The following WDR7 variants were observed in gnomAD, a reference collection of about 807,000 sequenced individuals.
The protein encoded by WDR7 is WD repeat-containing protein 7.
A neutral mutation model predicts 169.4 loss-of-function variants in WDR7; 46 were observed. That is an observed-to-expected ratio of 0.27 (90% CI 0.21 to 0.35). WDR7 has a LOEUF of 0.35. Among genes scored for constraint, WDR7 ranks in the 10% least tolerant of loss-of-function variants. The pLI is 1.00. For synonymous variants in WDR7, 612 were observed against 666.8 expected, an observed-to-expected ratio of 0.92 and a Z score of 1.27; for missense variants, 1,534 against 1,859.3, an observed-to-expected ratio of 0.83 and a Z score of 3.22.
intron 14 of WDR7, among the ~76,000 whole-genome samples, chr18:56,748,122 A>G (rs9947297): frequency 0.4 from 61,345 of 152,022 alleles, 12,874 homozygotes; most frequent in East Asian, 0.64. Context: ...CATTCATTTG[A>G]GATGAAATGA....
intron 27 of WDR7, among the ~76,000 whole-genome samples, chr18:57,025,024 G>T (rs1445356115): frequency 6.6e-6 from 1 of 152,196 alleles, no homozygotes; most frequent in African/African-American, 2.4e-5. Flanking sequence ...GAACCCAGTT[G>T]TAATGGCCTT....
chr18:56,717,975 G>C lies in WDR7; in HGVS notation c.1590G>C (p.Gln530His). ...ATTCTTCTTTTCAGGCAAGAGTACA[G>C]CACTGCATCTGCTCTGTAGCCAGTG... is the stretch of plus-strand genomic sequence containing the variant. ...VPPENCSARV[Q>H]HCICSVASDH... Residue 530 changes from glutamine to histidine, a missense_variant, in exon 13 of 28, where the codon CAG (glutamine) becomes CAC (histidine). Transcript: ENST00000254442. The C allele has an allele frequency of 6.2e-7, 1 of 1,612,766 alleles. No homozygotes were observed.
intron 21 of WDR7, among the ~76,000 whole-genome samples, chr18:56,897,860 T>C (rs1290012543): frequency 6.6e-6 from 1 of 152,042 alleles, no homozygotes; most frequent in Admixed American, 6.6e-5. Flanking sequence ...TTAGTATGCA[T>C]GCATACAGAT....
chr18:56,656,583 A>AT (rs10648827), intron 1 of WDR7, among the ~76,000 whole-genome samples: 103,945 of 146,158 alleles, frequency 0.71, 40,760 homozygotes, highest in East Asian at 0.95. Context: ...CCCGGCCACT[A>AT]TTTTTTTTTT....
At chr18:56,773,639 G>A (rs1453390058) in intron 16 of WDR7, among the ~76,000 whole-genome samples, 1 of 151,906 alleles carries the variant, frequency 6.6e-6, no homozygotes, top group Non-Finnish European at 1.5e-5. Flanking sequence ...AAAAAGTCAA[G>A]CATTAAAAAA....
intron 21 of WDR7, among the ~76,000 whole-genome samples, chr18:56,895,754 A>G (rs1485790521): frequency 6.6e-6 from 1 of 151,872 alleles, no homozygotes; most frequent in African/African-American, 2.4e-5. Flanking sequence ...GAATTACAGA[A>G]TATACTACCG....
intron 20 of WDR7, among the ~76,000 whole-genome samples, chr18:56,858,068 G>A (rs932870742): frequency 2.6e-5 from 4 of 152,022 alleles, no homozygotes; most frequent in African/African-American, 9.7e-5. Flanking sequence ...TCATCTCTCT[G>A]CTGAGCTCCA....
At chr18:56,970,059 T>A (rs1024149783) in intron 26 of WDR7, among the ~76,000 whole-genome samples, 1 of 152,200 alleles carries the variant, frequency 6.6e-6, no homozygotes, top group Admixed American at 6.5e-5. Context: ...TAGCATTGTG[T>A]TATAAATATA....
intron 7 of WDR7, among the ~76,000 whole-genome samples, chr18:56,690,887 T>C (rs2025552616): frequency 1.3e-5 from 2 of 152,132 alleles, no homozygotes; most frequent in African/African-American, 4.8e-5. Context: ...TTGAGGTTGA[T>C]TCCCTATTAT....
intron 19 of WDR7, among the ~76,000 whole-genome samples, chr18:56,810,573 T>G (rs1243959313): frequency 6.6e-6 from 1 of 152,128 alleles, no homozygotes; most frequent in East Asian, 1.9e-4. Flanking sequence ...TTTAAAAATT[T>G]TAAGTAGAAA....
intron 12 of WDR7, among the ~76,000 whole-genome samples, chr18:56,696,826 C>A (rs1259484598): frequency 6.6e-6 from 1 of 152,104 alleles, no homozygotes; most frequent in African/African-American, 2.4e-5. Flanking sequence ...TTGGGTCCAT[C>A]TGAGCAAAGA....
At chr18:56,928,862 C>T (rs537194368) in intron 22 of WDR7, among the ~76,000 whole-genome samples, 11 of 152,182 alleles carry the variant, frequency 7.2e-5, no homozygotes, top group Non-Finnish European at 1.6e-4. Context: ...CTAGCTTATT[C>T]CAAAAGCCAG....
chr18:56,930,445 G>A, intron 22 of WDR7, among the ~76,000 whole-genome samples: 1 of 151,534 alleles, frequency 6.6e-6, no homozygotes, highest in Middle Eastern at 3.4e-3. Flanking sequence ...TATAATCTGA[G>A]GAAGCCATAT....
intron 19 of WDR7, among the ~76,000 whole-genome samples, chr18:56,801,178 A>G (rs1568202771): frequency 6.6e-6 from 1 of 152,152 alleles, no homozygotes; most frequent in Non-Finnish European, 1.5e-5. Context: ...TACAATATTT[A>G]CTTATTTTTT....
chr18:56,806,509 G>C (rs185105104), intron 19 of WDR7, among the ~76,000 whole-genome samples: 1 of 152,232 alleles, frequency 6.6e-6, no homozygotes, highest in African/African-American at 2.4e-5. Context: ...GATGGGGAGG[G>C]TAGAGGTCTC....
chr18:56,720,182 C>A (rs928384712), intron 13 of WDR7, among the ~76,000 whole-genome samples: 4 of 152,134 alleles, frequency 2.6e-5, no homozygotes, highest in African/African-American at 4.8e-5. Flanking sequence ...TGCAGTGGCT[C>A]ACACCTGTAG....
rs935318825 is a variant in WDR7, at chr18:56,781,381, A to G, written c.3067-152A>G. 10 of 746,276 alleles carry G rather than the reference A, an allele frequency of 1.3e-5. No homozygotes were observed. In the African/African-American group the frequency reaches 1.8e-4, roughly 14 times the overall value. The allele number at this position is 746,276 out of a possible 1,614,324, so 46.2% of individuals were successfully genotyped here. A position where few individuals can be genotyped will look rare whatever the true frequency, so the allele number is the denominator to read the frequency against. On this transcript the variant is annotated intron_variant, in intron 18 of 27. Coordinates refer to ENST00000254442, the MANE Select transcript of WDR7 (RefSeq NM_015285.3). ...ATTTGCTAGCATCTGATTTTTAAGT[A>G]GTTAACTCATTCGGTTAATAGTGTT...
At chr18:56,685,509 T>G (rs2025426082) in intron 5 of WDR7, among the ~76,000 whole-genome samples, 1 of 152,140 alleles carries the variant, frequency 6.6e-6, no homozygotes, top group Non-Finnish European at 1.5e-5. Flanking sequence ...ATCTTTCTCT[T>G]GATCACACTC....
intron 14 of WDR7, among the ~76,000 whole-genome samples, 180 bp from the exon 15 acceptor site, chr18:56,756,403 A>G (rs2043888996): frequency 6.6e-6 from 1 of 152,134 alleles, no homozygotes; most frequent in Admixed American, 6.6e-5. Context: ...TAATTGTGTA[A>G]GCTGATATCT....
Sources: allele counts gnomAD v4.1 joint callset (sites outside exome capture counted in the v4.1 genomes callset), GRCh38; gene constraint gnomAD v4.1.1; transcripts MANE v1.5; gene names NCBI Gene and HGNC (gene_info 2026-07-23, HGNC 2026-07-21).